The following NCK1 variants were observed in gnomAD, a reference collection of about 807,000 sequenced individuals.
NCK1 encodes SH2/SH3 adapter protein NCK1.
A neutral mutation model predicts 36.6 loss-of-function variants in NCK1; 19 were observed. The observed-to-expected ratio is 0.52, with a 90% CI of 0.36 to 0.76. The LOEUF (loss-of-function observed/expected upper bound fraction) is 0.76, where lower values mean the gene tolerates loss of function less well. Ranked by LOEUF, NCK1 falls within the 30% of genes least tolerant of loss-of-function variation. The pLI is 0.00. For synonymous variants in NCK1, 165 were observed against 156.0 expected, an observed-to-expected ratio of 1.06 and a Z score of -0.43; for missense variants, 358 against 445.6, an observed-to-expected ratio of 0.80 and a Z score of 1.77.
intron 2 of NCK1, among the ~76,000 whole-genome samples, chr3:136,940,003 C>A (rs1489938068): frequency 6.6e-6 from 1 of 151,852 alleles, no homozygotes; most frequent in South Asian, 2.1e-4. Flanking sequence ...AGGAATGCAC[C>A]ACCACACCTG....
At chr3:136,908,628 C>T (rs1329503091) in intron 1 of NCK1, among the ~76,000 whole-genome samples, 2 of 152,186 alleles carry the variant, frequency 1.3e-5, no homozygotes, top group African/African-American at 4.8e-5. Context: ...AGGAGGTGAA[C>T]TGCGACTGAT....
At chr3:136,884,466 C>T (rs1270895691) in intron 1 of NCK1, among the ~76,000 whole-genome samples, 5 of 151,822 alleles carry the variant, frequency 3.3e-5, no homozygotes, top group South Asian at 2.1e-4. Context: ...TTTTGAAACA[C>T]GGTCCTGCTC....
chr3:136,898,908 A>T (rs952775439), intron 1 of NCK1, among the ~76,000 whole-genome samples: 2 of 152,256 alleles, frequency 1.3e-5, no homozygotes, highest in African/African-American at 4.8e-5. Context: ...GAAGAGCTTT[A>T]CAGAGAACAT....
At chr3:136,863,981 GTCCCAGCTAC>G (rs1487116259) in intron 1 of NCK1, among the ~76,000 whole-genome samples, 1 of 151,002 alleles carries the variant, frequency 6.6e-6, no homozygotes, top group Non-Finnish European at 1.5e-5. Flanking sequence ...GGCGCCTATA[GTCCCAGCTAC>G]TCGGGAGGCT....
At chr3:136,865,828 A>G (rs1938396262) in intron 1 of NCK1, among the ~76,000 whole-genome samples, 1 of 152,242 alleles carries the variant, frequency 6.6e-6, no homozygotes, top group African/African-American at 2.4e-5. Context: ...GATAGAATTT[A>G]TAGTCTTCCC....
At chr3:136,887,332 A>AT (rs978700820) in intron 1 of NCK1, among the ~76,000 whole-genome samples, 5 of 151,834 alleles carry the variant, frequency 3.3e-5, no homozygotes, top group Admixed American at 2.0e-4. Context: ...CATGCTCAGC[A>AT]TTTTTTTTCT....
intron 1 of NCK1, among the ~76,000 whole-genome samples, chr3:136,893,958 T>C (rs1429892643): frequency 6.6e-6 from 1 of 152,220 alleles, no homozygotes; most frequent in Non-Finnish European, 1.5e-5. Flanking sequence ...CTTGAGCCTT[T>C]AGTTGCCTTG....
chr3:136,909,928 G>A lies in NCK1; in HGVS notation c.-18-18056G>A, dbSNP rs974642656. Among the ~76,000 whole-genome samples the A allele has an allele frequency of 2.0e-5, 3 of 152,094 alleles. No individual in the cohort carries two copies. In the South Asian group the frequency reaches 6.2e-4, roughly 32 times the overall value. ...TTACGGTTCCTATGTGCATGGACTAGCCTTTCCCTCCTTACACGTTTTACC... is the reference window on the plus strand; with the variant it reads ...TTACGGTTCCTATGTGCATGGACTAACCTTTCCCTCCTTACACGTTTTACC... On this transcript the variant is annotated intron_variant, in intron 1 of 3. Transcript: ENST00000481752.
intron 1 of NCK1, chr3:136,899,602 C>A: frequency 1.6e-6 from 1 of 644,750 alleles, no homozygotes; most frequent in East Asian, 3.1e-5. Context: ...TGTTGTACCG[C>A]AGCTTTAGAT....
At chr3:136,910,826 T>C (rs189355366) in intron 1 of NCK1, among the ~76,000 whole-genome samples, 36 of 152,304 alleles carry the variant, frequency 2.4e-4, no homozygotes, top group Non-Finnish European at 4.9e-4. Context: ...AAATATATAA[T>C]ACATTAATAC....
intron 1 of NCK1, among the ~76,000 whole-genome samples, chr3:136,890,054 G>T (rs937294486): frequency 6.6e-6 from 1 of 152,142 alleles, no homozygotes; most frequent in Non-Finnish European, 1.5e-5. Flanking sequence ...AGCAGAGGGT[G>T]GTCCTTGTTG....
At chr3:136,889,239 G>A in intron 1 of NCK1, 1 of 173,830 alleles carries the variant, frequency 5.8e-6, no homozygotes, top group Non-Finnish European at 1.2e-5. Flanking sequence ...TACTGGTACT[G>A]TGTCTGGAAT....
intron 1 of NCK1, among the ~76,000 whole-genome samples, chr3:136,885,606 A>T (rs1397801868): frequency 6.6e-6 from 1 of 152,186 alleles, no homozygotes; most frequent in Non-Finnish European, 1.5e-5. Flanking sequence ...CACCCAGCGT[A>T]CTTAAACCTT....
At chr3:136,921,085 C>T (rs1400011937) in intron 1 of NCK1, among the ~76,000 whole-genome samples, 10 of 152,110 alleles carry the variant, frequency 6.6e-5, no homozygotes, top group Admixed American at 5.2e-4. Context: ...CCTTATGACT[C>T]CTCTTCCTGG....
chr3:136,927,117 G>C (rs143620020), intron 1 of NCK1, among the ~76,000 whole-genome samples: 1 of 151,984 alleles, frequency 6.6e-6, no homozygotes, highest in African/African-American at 2.4e-5. Context: ...GATTCCAAGT[G>C]TGCGCCACCA....
At chr3:136,889,104 C>T (rs1381424709) in intron 1 of NCK1, 1 of 116,390 alleles carries the variant, frequency 8.6e-6, no homozygotes, top group African/African-American at 3.2e-5. Context: ...GTTGCCCAGG[C>T]TGGTTTTGAA....
chr3:136,866,564 G>A (rs1297815245), intron 1 of NCK1, among the ~76,000 whole-genome samples: 1 of 151,132 alleles, frequency 6.6e-6, no homozygotes, highest in Non-Finnish European at 1.5e-5. Context: ...ATCTCAGCCT[G>A]CCAAAGTGCT....
intron 1 of NCK1, among the ~76,000 whole-genome samples, chr3:136,887,633 A>T (rs542941050): frequency 6.6e-6 from 1 of 152,374 alleles, no homozygotes; most frequent in East Asian, 1.9e-4. Context: ...CTTCTTTAGC[A>T]TACAATTCAG....
At chr3:136,882,640 T>C (rs950523688) in intron 1 of NCK1, among the ~76,000 whole-genome samples, 5 of 152,118 alleles carry the variant, frequency 3.3e-5, no homozygotes, top group African/African-American at 1.2e-4. Flanking sequence ...GGCACCTGTA[T>C]CTTATGTCAC....
Sources: gnomAD v4.1 joint callset for allele counts (sites outside exome capture counted in the v4.1 genomes callset) on GRCh38, gnomAD v4.1.1 for gene constraint, MANE v1.5 for transcripts, NCBI Gene and HGNC (gene_info 2026-07-23, HGNC 2026-07-21) for gene names.